Variants in NYAP2 observed in about 807,000 individuals in gnomAD.
NYAP2 encodes neuronal tyrosine-phosphorylated phosphoinositide-3-kinase adaptor 2, also known as neuronal tyrosine-phosphorylated phosphoinositide-3-kinase adapter 2.
Under a neutral mutation model 50.4 loss-of-function variants are expected in NYAP2, and 23 were observed. That is an observed-to-expected ratio of 0.46 (90% confidence interval 0.33 to 0.65). The LOEUF is 0.65. NYAP2 is among the 30% of genes least tolerant of loss of function. NYAP2 has a pLI of 0.02. For missense variants in NYAP2, 885 were observed against 861.0 expected, an observed-to-expected ratio of 1.03 and a Z score of -0.35; for synonymous variants, 394 against 365.2, an observed-to-expected ratio of 1.08 and a Z score of -0.90.
At chr2:225,443,819 TAGTAA>T (rs1424534388) in intron 3 of NYAP2, among the ~76,000 whole-genome samples, 2 of 152,222 alleles carry the variant, frequency 1.3e-5, no homozygotes, top group East Asian at 3.9e-4. Context: ...CCCTGTGGAC[TAGTAA>T]AGTAGTTTTA....
the NYAP2 span, among the ~76,000 whole-genome samples, chr2:225,677,615 T>A: frequency 6.6e-6 from 1 of 152,186 alleles, no homozygotes; most frequent in Non-Finnish European, 1.5e-5. Flanking sequence ...GATTTTTTTT[T>A]ATCATGAAGG....
chr2:225,481,154 C>T (rs2106165123), intron 3 of NYAP2, among the ~76,000 whole-genome samples: 1 of 152,174 alleles, frequency 6.6e-6, no homozygotes, highest in Admixed American at 6.5e-5. Flanking sequence ...AAAACCTTTT[C>T]CTCAGAAATA....
chr2:225,505,453 C>T lies in NYAP2; in HGVS notation c.222-7918C>T, dbSNP rs142863136. Among the ~76,000 whole-genome samples the T allele has an allele frequency of 2.6e-5, 4 of 152,256 alleles. No individual in the cohort carries two copies. In the East Asian group the frequency reaches 7.7e-4, roughly 29 times the overall value. ...AAAATATGAACACAGTTTAATTTTA[C>T]TGAAGCCAAGTTTTCATATCCAAGT... On this transcript the variant is annotated intron_variant, in intron 3 of 6. Coordinates refer to ENST00000636099, the Ensembl canonical transcript of NYAP2.
chr2:225,507,174 C>A (rs1690722228), intron 3 of NYAP2, among the ~76,000 whole-genome samples: 1 of 152,144 alleles, frequency 6.6e-6, no homozygotes, highest in Non-Finnish European at 1.5e-5. Flanking sequence ...ACATCATTGT[C>A]ATCATCATTA....
At chr2:225,676,253 G>GT in the NYAP2 span, among the ~76,000 whole-genome samples, 20 of 151,662 alleles carry the variant, frequency 1.3e-4, no homozygotes, top group South Asian at 6.3e-4. Context: ...GGTATTTCCT[G>GT]TTTTTTTTCT....
intron 3 of NYAP2, among the ~76,000 whole-genome samples, chr2:225,446,246 C>CTCTCTCTCTCTCTATA: frequency 1.2e-5 from 1 of 82,272 alleles, no homozygotes; most frequent in East Asian, 3.7e-4. Context: ...CTCTCTCTCT[C>CTCTCTCTCTCTCTATA]TATATATATA....
chr2:225,509,464 G>A (rs570409487), intron 3 of NYAP2, among the ~76,000 whole-genome samples: 62 of 152,182 alleles, frequency 4.1e-4, no homozygotes, highest in South Asian at 1.7e-3. Flanking sequence ...GGCTGGAGTG[G>A]TGCAGTGGCA....
intron 3 of NYAP2, among the ~76,000 whole-genome samples, chr2:225,471,197 T>C (rs1439629759): frequency 1.3e-5 from 2 of 152,226 alleles, no homozygotes; most frequent in Non-Finnish European, 2.9e-5. Flanking sequence ...TAAACATGGT[T>C]GTCCTCAAAT....
intron 4 of NYAP2, among the ~76,000 whole-genome samples, chr2:225,560,351 C>A (rs1202342978): frequency 2.0e-5 from 3 of 151,968 alleles, no homozygotes; most frequent in Non-Finnish European, 4.4e-5. Flanking sequence ...TTCTAACATA[C>A]TTTGAGAGAA....
At chr2:225,664,503 T>G in the NYAP2 span, among the ~76,000 whole-genome samples, 3 of 152,172 alleles carry the variant, frequency 2.0e-5, no homozygotes, top group African/African-American at 7.2e-5. Context: ...AGTCATCACA[T>G]AGGCCCACCT....
chr2:225,465,337 AT>A (rs1475235832), intron 3 of NYAP2, among the ~76,000 whole-genome samples: 1 of 151,872 alleles, frequency 6.6e-6, no homozygotes, highest in African/African-American at 2.4e-5. Context: ...GTGACCCTAC[AT>A]TTTTCTTAGA....
intron 3 of NYAP2, among the ~76,000 whole-genome samples, chr2:225,506,015 C>A (rs770972662): frequency 6.6e-6 from 1 of 151,538 alleles, no homozygotes; most frequent in Non-Finnish European, 1.5e-5. Context: ...GGTGATCCAA[C>A]GTTTGTTTGG....
chr2:225,616,131 CTT>C (rs1384630493), intron 5 of NYAP2, among the ~76,000 whole-genome samples: 5 of 152,128 alleles, frequency 3.3e-5, no homozygotes, highest in African/African-American at 9.7e-5. Flanking sequence ...ATCATTTTAT[CTT>C]GTTTGCTTTC....
chr2:225,664,650 C>T, the NYAP2 span, among the ~76,000 whole-genome samples: 46 of 152,048 alleles, frequency 3.0e-4, 1 homozygote, highest in Admixed American at 2.8e-3. Flanking sequence ...GGTTGGATCA[C>T]GAGGTCAGGA....
chr2:225,504,783 G>A (rs550487006), intron 3 of NYAP2, among the ~76,000 whole-genome samples: 14 of 152,160 alleles, frequency 9.2e-5, no homozygotes, highest in Admixed American at 7.2e-4. Context: ...GCTGAGGCAG[G>A]GGGATCATGA....
chr2:225,610,800 C>T (rs1692868695), intron 5 of NYAP2, among the ~76,000 whole-genome samples: 1 of 152,124 alleles, frequency 6.6e-6, no homozygotes, highest in South Asian at 2.1e-4. Context: ...ATTAAGGAAT[C>T]TCAACATTAC....
At chr2:225,654,869 A>C (rs2106274531), downstream of NYAP2, among the ~76,000 whole-genome samples, 3 of 152,238 alleles carry the variant, frequency 2.0e-5, no homozygotes, top group Admixed American at 2.0e-4. Context: ...TGTTGTTGTC[A>C]TCCCATCTCT....
intron 3 of NYAP2, among the ~76,000 whole-genome samples, chr2:225,438,744 C>T (rs1186580641): frequency 6.6e-6 from 1 of 152,128 alleles, no homozygotes; most frequent in Non-Finnish European, 1.5e-5. Context: ...TGTTTTTGCA[C>T]TAAAAATTAT....
At position 225,601,300 on chromosome 2, in the gene NYAP2, T is replaced by A. The variant is rs535066486; in HGVS notation, c.1618+18265T>A. ...CACGACCAGCTAATTTTTGTATTTT[T>A]AGTAGAGACGGGGTTTCACCATGCT... On this transcript the variant is annotated intron_variant, in intron 5 of 6. Transcript: ENST00000636099. Among the ~76,000 whole-genome samples the A allele has an allele frequency of 1.2e-4, 18 of 152,162 alleles. No homozygotes were observed. The East Asian group carries it at 3.5e-3, about 30-fold the overall frequency.
Sources: allele counts gnomAD v4.1 joint callset (sites outside exome capture counted in the v4.1 genomes callset), GRCh38; gene constraint gnomAD v4.1.1; transcripts MANE v1.5; gene names NCBI Gene and HGNC (gene_info 2026-07-23, HGNC 2026-07-21).